FRMD6: variants seen among roughly 807,000 people sequenced by gnomAD.
FRMD6 encodes the protein FERM domain containing 6, also known as FERM domain-containing protein 6.
FRMD6 carries 37 observed loss-of-function variants against 73.2 expected under a neutral mutation model. The observed-to-expected ratio is 0.51, with a 90% confidence interval of 0.39 to 0.66. FRMD6 has a LOEUF of 0.66. Among genes scored for constraint, FRMD6 ranks in the 30% least tolerant of loss-of-function variants. FRMD6 has a pLI of 0.00. For missense variants in FRMD6, 714 were observed against 780.5 expected (o/e 0.91, Z 1.02); for synonymous variants, 273 against 282.2 (o/e 0.97, Z 0.33).
intron 1 of FRMD6, among the ~76,000 whole-genome samples, chr14:51,673,958 A>G (rs1224194011): frequency 6.6e-6 from 1 of 152,202 alleles, no homozygotes; most frequent in East Asian, 1.9e-4. Context: ...GACCTCAGCT[A>G]CAGTTTTCAG....
intron 5 of FRMD6, among the ~76,000 whole-genome samples, chr14:51,703,118 GC>G (rs775650924): frequency 6.6e-6 from 1 of 152,034 alleles, no homozygotes; most frequent in Non-Finnish European, 1.5e-5. Flanking sequence ...GCCCAGTGAA[GC>G]TATCCTATCA....
chr14:51,492,087 C>A (rs1187621564), intron 1 of FRMD6, among the ~76,000 whole-genome samples: 1 of 152,218 alleles, frequency 6.6e-6, no homozygotes, highest in African/African-American at 2.4e-5. Context: ...TGTTTGACTT[C>A]CACTATGCTG....
At chr14:51,503,855 G>GT (rs113090830) in intron 1 of FRMD6, among the ~76,000 whole-genome samples, 4 of 147,094 alleles carry the variant, frequency 2.7e-5, no homozygotes, top group Admixed American at 6.8e-5. Flanking sequence ...TTGGTTTTGG[G>GT]TTTTTTTTTG....
chr14:51,546,014 C>T (rs1886447047), intron 1 of FRMD6, among the ~76,000 whole-genome samples: 1 of 152,038 alleles, frequency 6.6e-6, no homozygotes, highest in Non-Finnish European at 1.5e-5. Flanking sequence ...AAAATATTCA[C>T]TCTATTTTTG....
rs991048747 is a variant in FRMD6, at chr14:51,652,415, C to A, written c.-147+419C>A. ...CCTGGTTCTCTGCATCGCGGAGGTCCCCGGATCACAGGGCTCCCTGGCGGG... is the reference window on the plus strand; with the variant it reads ...CCTGGTTCTCTGCATCGCGGAGGTCACCGGATCACAGGGCTCCCTGGCGGG... On this transcript the variant is annotated intron_variant, in intron 1 of 13. Coordinates refer to ENST00000344768, the MANE Select transcript of FRMD6 (RefSeq NM_001267046.2). Among the ~76,000 whole-genome samples, 7 of 152,302 alleles carry A rather than the reference C, an allele frequency of 4.6e-5. No individual in the cohort carries two copies. In the East Asian group the frequency reaches 1.4e-3, roughly 29 times the overall value.
At chr14:51,643,519 T>A (rs973519717) in intron 2 of FRMD6, 28 of 152,180 alleles carry the variant, frequency 1.8e-4, no homozygotes, top group Admixed American at 1.6e-3. Context: ...ATTTTGGGAT[T>A]GTTAAGAAAG....
the FRMD6 span, among the ~76,000 whole-genome samples, chr14:51,481,681 T>G: frequency 5.3e-5 from 8 of 152,246 alleles, no homozygotes; most frequent in Non-Finnish European, 1.0e-4. Flanking sequence ...GTTCTTACAC[T>G]GCAAGCAACT....
the FRMD6 span, among the ~76,000 whole-genome samples, chr14:51,440,365 T>C: frequency 6.6e-6 from 1 of 152,230 alleles, no homozygotes; most frequent in Admixed American, 6.5e-5. Flanking sequence ...TCCAGAAACA[T>C]ACCCAAGAAC....
intron 2 of FRMD6, 24 bp from the exon 3 acceptor site, chr14:51,698,118 A>T (rs751051671): frequency 6.4e-7 from 1 of 1,566,144 alleles, no homozygotes; most frequent in South Asian, 1.1e-5. Flanking sequence ...TTGTTATTTT[A>T]CGTCGTGCCT....
chr14:51,490,025 C>T (rs1882902911), intron 1 of FRMD6, among the ~76,000 whole-genome samples: 1 of 152,140 alleles, frequency 6.6e-6, no homozygotes, highest in South Asian at 2.1e-4. Flanking sequence ...GGGGTTCCTG[C>T]ACTTCTTTTA....
Position 51,644,352 on chromosome 14 carries a change from T to TTC in FRMD6, c.-146-45338_-146-45337dup, listed in dbSNP as rs1891954147. ...CATCTCAGATTTCTCTGCCTCACCC[T>TTC]TCACACACACACACACACACACACA... is the stretch of plus-strand genomic sequence containing the variant. On this transcript the variant is annotated intron_variant, in intron 2 of 14. Coordinates refer to the FRMD6 transcript ENST00000356218. Among the ~76,000 whole-genome samples, 6 of 96,066 alleles carry TTC rather than the reference T, an allele frequency of 6.2e-5. No individual in the cohort carries two copies. The Admixed American group carries it at 6.9e-4, about 11-fold the overall frequency. 63.0% of individuals were successfully genotyped at this position (96,066 alleles called of 152,430 possible).
In FRMD6 at chr14:51,720,129, C is replaced by T. The variant is rs35856363; in HGVS notation, c.1099C>T (p.Arg367Trp). Residue 367 changes from arginine (R) to tryptophan (W), a missense_variant, in exon 11 of 14, where the codon CGG (arginine) becomes TGG (tryptophan). Arg to Trp is a moderately radical substitution (Grantham distance 101). Coordinates refer to ENST00000344768, the MANE Select transcript of FRMD6 (RefSeq NM_001267046.2). Reference sequence around the variant, plus strand: ...CATGGACCAGCTGGAAAAACGGTCGCGGGCCAGCGGGAGCAGTGCGGGCAG... The same window carrying T: ...CATGGACCAGCTGGAAAAACGGTCGTGGGCCAGCGGGAGCAGTGCGGGCAG... ...LDMDQLEKRSRASGSSAGSMK... is the reference protein window; with the variant it reads ...LDMDQLEKRSWASGSSAGSMK... The T allele has an allele frequency of 1.1e-5, 18 of 1,613,688 alleles. No individual in the cohort carries two copies. The highest frequency in any genetic ancestry group is 6.7e-5 in the African/African-American group (5 of 74,914).
intron 1 of FRMD6, among the ~76,000 whole-genome samples, chr14:51,688,733 A>G (rs896670819): frequency 6.6e-6 from 1 of 152,212 alleles, no homozygotes. Context: ...TAGCAACAAT[A>G]TATGAAATAC....
chr14:51,477,303 G>GT, the FRMD6 span, among the ~76,000 whole-genome samples: 1 of 152,146 alleles, frequency 6.6e-6, no homozygotes, highest in South Asian at 2.1e-4. Context: ...AGGAGACAAG[G>GT]TGGTATCTCA....
intron 1 of FRMD6, among the ~76,000 whole-genome samples, chr14:51,551,419 C>T (rs1457776182): frequency 1.3e-5 from 2 of 152,164 alleles, no homozygotes; most frequent in Admixed American, 6.5e-5. Context: ...AATTATTTGT[C>T]ACCTTGGTGG....
intron 11 of FRMD6, among the ~76,000 whole-genome samples, chr14:51,721,651 GAA>G: frequency 7.1e-6 from 1 of 141,772 alleles, no homozygotes; most frequent in Non-Finnish European, 1.6e-5. Flanking sequence ...GGGAGGGAAG[GAA>G]GGAAGGAAGG....
At chr14:51,697,973 C>G in intron 2 of FRMD6, 169 bp from the exon 3 acceptor site, 1 of 537,082 alleles carries the variant, frequency 1.9e-6, no homozygotes, top group East Asian at 3.1e-5. Context: ...ATCATCATTA[C>G]TGAAACACAA....
rs746132408 is a variant in FRMD6 at position 51,698,138 on chromosome 14, A to G, written c.100-4A>G. On this transcript the variant is annotated splice_region_variant and splice_polypyrimidine_tract_variant and intron_variant, in intron 2 of 13. Coordinates refer to ENST00000344768, the MANE Select transcript of FRMD6 (RefSeq NM_001267046.2). ...ATTTTACGTCGTGCCTTTTTCCCCT[A>G]CAGGTTAAGATTCTGTGTCACCAGT... The G allele has an allele frequency of 8.1e-6, 13 of 1,608,182 alleles. No homozygotes were observed. The highest frequency in any genetic ancestry group is 5.3e-5 in the African/African-American group (4 of 74,824).
chr14:51,605,139 C>CT (rs11389733), intron 2 of FRMD6, among the ~76,000 whole-genome samples: 79,487 of 119,440 alleles, frequency 0.67, 26,250 homozygotes, highest in Non-Finnish European at 0.72. Context: ...CTGCAGGTTT[C>CT]TTTTTTTTTT....
Sources: allele counts gnomAD v4.1 joint callset (sites outside exome capture counted in the v4.1 genomes callset), GRCh38; gene constraint gnomAD v4.1.1; transcripts MANE v1.5; gene names NCBI Gene and HGNC (gene_info 2026-07-23, HGNC 2026-07-21).